Variants in UGT1A10 observed in about 807,000 individuals in gnomAD.
UGT1A10 encodes the protein UDP glucuronosyltransferase family 1 member A10.
UGT1A10 carries 49 observed loss-of-function variants against 45.8 expected under a neutral mutation model. The ratio of observed to expected loss-of-function variants is 1.07; its 90% CI spans 0.85 to 1.36. The LOEUF is 1.36. UGT1A10 is among the 40% of genes most tolerant of loss of function. UGT1A10 has a pLI of 0.00. For missense variants in UGT1A10, 745 were observed against 668.6 expected (o/e 1.11, Z -1.26); for synonymous variants, 284 against 249.7 (o/e 1.14, Z -1.29).
intron 1 of UGT1A10, among the ~76,000 whole-genome samples, chr2:233,749,453 C>A (rs1313864160): frequency 6.6e-6 from 1 of 151,804 alleles, no homozygotes; most frequent in Non-Finnish European, 1.5e-5. Flanking sequence ...TGGAGCAGAA[C>A]GAATTGGGAA....
At chr2:233,770,549 T>C (rs1220272101) in intron 4 of UGT1A10, 7 of 151,978 alleles carry the variant, frequency 4.6e-5, no homozygotes, top group Non-Finnish European at 8.8e-5. Flanking sequence ...TCCCAGCTAT[T>C]TGGGAGGCTG....
chr2:233,755,274 G>T, intron 1 of UGT1A10: 1 of 734,282 alleles, frequency 1.4e-6, no homozygotes, highest in Non-Finnish European at 2.1e-6. Flanking sequence ...CACTATGCTG[G>T]ACTGCCAAAG....
At chr2:233,716,488 C>G (rs371843932) in intron 1 of UGT1A10, among the ~76,000 whole-genome samples, 4 of 152,302 alleles carry the variant, frequency 2.6e-5, no homozygotes, top group African/African-American at 9.6e-5. Flanking sequence ...CCGTAGTCTT[C>G]TATTCTCCAG....
rs1700524185 is a variant in UGT1A10, at chr2:233,772,466, C to A, written c.1500C>A (p.Ala500=). 6.2e-6 allele frequency: 10 copies of A among 1,614,148 alleles called. No individual in the cohort carries two copies. The highest frequency in any genetic ancestry group is 8.5e-6 in the Non-Finnish European group (10 of 1,180,034). The change falls in exon 5 of 5, where the codon GCC becomes GCA. Residue 500 remains alanine, a synonymous_variant. Coordinates refer to ENST00000344644, the MANE Select transcript of UGT1A10 (RefSeq NM_019075.4). ...GFLLAVVLTV[A]FITFKCCAYG... ...TCTTGGCCGTCGTGCTGACAGTGGCCTTCATCACCTTTAAATGTTGTGCTT... is the reference window on the plus strand; with the variant it reads ...TCTTGGCCGTCGTGCTGACAGTGGCATTCATCACCTTTAAATGTTGTGCTT...
intron 1 of UGT1A10, among the ~76,000 whole-genome samples, chr2:233,642,068 C>T (rs1485278827): frequency 6.6e-6 from 1 of 152,144 alleles, no homozygotes; most frequent in Admixed American, 6.5e-5. Context: ...GGAAAGTTTT[C>T]TGTTATTATC....
intron 1 of UGT1A10, among the ~76,000 whole-genome samples, chr2:233,668,749 T>G (rs1401078383): frequency 6.6e-6 from 1 of 152,248 alleles, no homozygotes; most frequent in African/African-American, 2.4e-5. Context: ...TAATCAACAC[T>G]GACACATTAT....
chr2:233,764,867 GCC>G (rs779119414), intron 1 of UGT1A10, among the ~76,000 whole-genome samples: 19,818 of 152,112 alleles, frequency 0.13, 1,414 homozygotes, highest in East Asian at 0.2. Flanking sequence ...TTTTAGATGA[GCC>G]CAAGGGAAAA....
intron 1 of UGT1A10, chr2:233,713,522 A>G (rs1180807745): frequency 1.2e-6 from 2 of 1,613,850 alleles, no homozygotes; most frequent in Non-Finnish European, 1.7e-6. Flanking sequence ...GGAACATTCC[A>G]TGTGATTTAG....
rs1469426427 is a variant in UGT1A10, at chr2:233,723,650, T to C, written c.856-43384T>C. Among the ~76,000 whole-genome samples, 5 of 102,194 alleles carry C rather than the reference T, an allele frequency of 4.9e-5. 1 individual carries two copies. Among genetic ancestry groups the C allele is most frequent in the African/African-American group, 1.4e-4 (3 of 21,894 alleles). 67.0% of individuals were successfully genotyped at this position (102,194 alleles called of 152,430 possible). A position where few individuals can be genotyped will look rare whatever the true frequency, so the allele number is the denominator to read the frequency against. On this transcript the variant is annotated intron_variant, in intron 1 of 4. Coordinates refer to ENST00000344644, the MANE Select transcript of UGT1A10 (RefSeq NM_019075.4). ...AGATAAACAAGTGAACAAAGGTCTC[T>C]GGTTTTCCCAGGCAGAGGACCCTGC...
At chr2:233,707,468 AT>A (rs896573991) in intron 1 of UGT1A10, among the ~76,000 whole-genome samples, 1 of 150,994 alleles carries the variant, frequency 6.6e-6, no homozygotes, top group African/African-American at 2.4e-5. Flanking sequence ...GCATCTGTAA[AT>A]AATACAGATG....
At chr2:233,711,532 G>A (rs1296354324) in intron 1 of UGT1A10, among the ~76,000 whole-genome samples, 12 of 152,124 alleles carry the variant, frequency 7.9e-5, no homozygotes, top group Admixed American at 7.2e-4. Context: ...ACAACTCCCC[G>A]GGAATCATCC....
chr2:233,767,285 T>C (rs1440125583), intron 2 of UGT1A10, 120 bp downstream of exon 2: 1 of 1,569,258 alleles, frequency 6.4e-7, no homozygotes, highest in Non-Finnish European at 8.6e-7. Flanking sequence ...CCCTGCCACT[T>C]CCCAACTATT....
At chr2:233,695,534 T>C (rs2075294945) in intron 1 of UGT1A10, among the ~76,000 whole-genome samples, 1 of 152,134 alleles carries the variant, frequency 6.6e-6, no homozygotes, top group African/African-American at 2.4e-5. Context: ...TTTTTTCTTT[T>C]TCTTTTTTAA....
chr2:233,715,588 A>G lies in UGT1A10; in HGVS notation c.856-51446A>G, dbSNP rs531738366. Reference sequence around the variant, plus strand: ...GGAGTCTGAGAGCAGCCTGGGCAACATGCTGAGACTCCATCTCTACAAAAA... The same window carrying G: ...GGAGTCTGAGAGCAGCCTGGGCAACGTGCTGAGACTCCATCTCTACAAAAA... On this transcript the variant is annotated intron_variant, in intron 1 of 4. Transcript: ENST00000344644. Among the ~76,000 whole-genome samples, 110 of 152,162 alleles carry G rather than the reference A, an allele frequency of 7.2e-4. 1 individual carries two copies. The highest frequency in any genetic ancestry group is 2.5e-3 in the African/African-American group (104 of 41,510).
chr2:233,682,376 C>T (rs775782205), intron 1 of UGT1A10: 1 of 1,613,978 alleles, frequency 6.2e-7, no homozygotes, highest in East Asian at 2.2e-5. Flanking sequence ...TGCAGTGTTT[C>T]TCGATCCTTT....
chr2:233,757,535 A>AATATATATATAT (rs67292694), intron 1 of UGT1A10, among the ~76,000 whole-genome samples: 911 of 88,202 alleles, frequency 0.01, 30 homozygotes, highest in Middle Eastern at 0.029. Context: ...GCCTGTAAGG[A>AATATATATATAT]ATATATATAT....
intron 1 of UGT1A10, chr2:233,718,696 A>G: frequency 1.9e-6 from 3 of 1,595,236 alleles, no homozygotes; most frequent in Non-Finnish European, 2.6e-6. Flanking sequence ...GGAGGAGGGC[A>G]CTTTGTCTTC....
rs775448281 is a variant in UGT1A10, at chr2:233,713,196, A to G, written c.856-53838A>G. 9 of 1,614,120 alleles carry G rather than the reference A, an allele frequency of 5.6e-6. No individual in the cohort carries two copies. In the African/African-American group the frequency reaches 1.1e-4, roughly 19 times the overall value. ...CCTCACCCTGGAGGTGAATATGTAC[A>G]TCAAAGAAGAGAACTTTTTCACCCT... is the stretch of plus-strand genomic sequence containing the variant. On this transcript the variant is annotated intron_variant, in intron 1 of 4. Transcript: ENST00000344644.
chr2:233,730,746 G>A (rs1030553021), intron 1 of UGT1A10, among the ~76,000 whole-genome samples: 3 of 152,110 alleles, frequency 2.0e-5, no homozygotes, highest in Non-Finnish European at 2.9e-5. Context: ...GGCTAGGGAG[G>A]AGATAAGACT....
Sources: gnomAD v4.1 joint callset for allele counts (sites outside exome capture counted in the v4.1 genomes callset) on GRCh38, gnomAD v4.1.1 for gene constraint, MANE v1.5 for transcripts, NCBI Gene and HGNC (gene_info 2026-07-23, HGNC 2026-07-21) for gene names.